Variants in PHF3 observed in about 807,000 individuals in gnomAD.
PHF3 encodes PHD finger protein 3.
In PHF3, 41 loss-of-function variants were observed where a neutral mutation model predicts 178.4. The observed-to-expected ratio is 0.23, with a 90% confidence interval of 0.18 to 0.30. PHF3 has a LOEUF of 0.30. Among genes scored for constraint, PHF3 ranks in the 10% least tolerant of loss-of-function variants. The pLI is 1.00. For synonymous variants in PHF3, 842 were observed against 800.5 expected (o/e 1.05, Z -0.88); for missense variants, 2,346 against 2,398.1 (o/e 0.98, Z 0.45).
chr6:63,698,230 T>C lies in PHF3; in HGVS notation c.2688T>C (p.His896=). The C allele has an allele frequency of 3.7e-6, 6 of 1,609,702 alleles. No individual in the cohort carries two copies. The highest frequency in any genetic ancestry group is 3.3e-5 in the South Asian group (3 of 90,130). The part of the protein sequence containing the change: ...TGEKASKPGT[H]EKQEMKKKKV... ...GATATTTATTCAAATTAGGTACTCA[T>C]GAGAAGCAAGAGATGAAAAAGAAGA... The change falls in exon 7 of 16, where the codon CAT becomes CAC. Residue 896 remains histidine, a synonymous_variant. Coordinates refer to ENST00000262043, the MANE Select transcript of PHF3 (RefSeq NM_001370348.2).
intron 4 of PHF3, among the ~76,000 whole-genome samples, chr6:63,688,220 T>TCCCCCCCCTCCCCCCTCCCCTCTCCCATC (rs1387226949): frequency 1.4e-4 from 1 of 6,978 alleles, no homozygotes; most frequent in African/African-American, 5.8e-4. Context: ...ATTGTTTTTT[T>TCCCCCCCCTCCCCCCTCCCCTCTCCCATC]CCCCTCCCCT....
Position 63,717,301 on chromosome 6 carries a change from C to T in PHF3, c.*3593C>T, listed in dbSNP as rs1283172876. ...TGCATTATGAGAGCTTGATAATGAA[C>T]CAGATCTTAGTAAAACAGTATTTTA... On this transcript the variant is annotated 3_prime_UTR_variant, in exon 16 of 16. Coordinates refer to ENST00000262043, the MANE Select transcript of PHF3 (RefSeq NM_001370348.2). Among the ~76,000 whole-genome samples the T allele has an allele frequency of 6.6e-6, 1 of 151,956 alleles. No homozygotes were observed. Among genetic ancestry groups the T allele is most frequent in the Admixed American group, 6.6e-5 (1 of 15,206 alleles).
At chr6:63,693,525 G>A (rs1582092321) in intron 5 of PHF3, among the ~76,000 whole-genome samples, 1 of 152,244 alleles carries the variant, frequency 6.6e-6, no homozygotes, top group East Asian at 1.9e-4. Context: ...TGAGGCAGGA[G>A]AATCGCTTGA....
At chr6:63,692,149 A>C (rs1767035835) in intron 5 of PHF3, 106 bp downstream of exon 5, 2 of 847,102 alleles carry the variant, frequency 2.4e-6, no homozygotes, top group Non-Finnish European at 3.5e-6. Flanking sequence ...GTTCTTTTAC[A>C]TTTTCAAATT....
chr6:63,666,380 CATAT>C (rs970391625), intron 2 of PHF3, among the ~76,000 whole-genome samples: 2 of 151,636 alleles, frequency 1.3e-5, no homozygotes, highest in Non-Finnish European at 2.9e-5. Flanking sequence ...TATATATTTA[CATAT>C]ATATATGTGG....
At chr6:63,655,205 A>G (rs1418491654) in intron 2 of PHF3, among the ~76,000 whole-genome samples, 1 of 152,080 alleles carries the variant, frequency 6.6e-6, no homozygotes, top group African/African-American at 2.4e-5. Flanking sequence ...CTGGGATTAT[A>G]GGTGCCCACC....
chr6:63,682,578 C>A (rs1316677836), intron 3 of PHF3, among the ~76,000 whole-genome samples: 1 of 151,990 alleles, frequency 6.6e-6, no homozygotes, highest in African/African-American at 2.4e-5. Context: ...TTTTCTTGAT[C>A]TATGTTTTTA....
At chr6:63,658,309 C>T (rs974457751) in intron 2 of PHF3, among the ~76,000 whole-genome samples, 2 of 152,126 alleles carry the variant, frequency 1.3e-5, no homozygotes, top group African/African-American at 4.8e-5. Flanking sequence ...TTCTCTTCAT[C>T]TCCTAGAATT....
intron 2 of PHF3, among the ~76,000 whole-genome samples, chr6:63,656,135 C>T (rs1339792499): frequency 1.3e-5 from 2 of 152,180 alleles, no homozygotes; most frequent in African/African-American, 2.4e-5. Flanking sequence ...GGCCCAAGGC[C>T]GGAGCTTTCC....
chr6:63,652,190 T>G (rs1256519454), intron 2 of PHF3, among the ~76,000 whole-genome samples: 1 of 152,184 alleles, frequency 6.6e-6, no homozygotes, highest in Non-Finnish European at 1.5e-5. Flanking sequence ...CTCCATATTC[T>G]TGCCAGTGTT....
chr6:63,695,091 A>G (rs1182940887), intron 6 of PHF3, among the ~76,000 whole-genome samples: 1 of 152,198 alleles, frequency 6.6e-6, no homozygotes, highest in Non-Finnish European at 1.5e-5. Context: ...TGGGATGGAT[A>G]GTCACAGGTG....
Position 63,641,528 on chromosome 6 carries a change from ATGTGTGTGTGTGTG to A in PHF3, c.-25-4971_-25-4958del, listed in dbSNP as rs201250434. 1.3e-3 allele frequency among the ~76,000 whole-genome samples: 181 copies of A among 140,676 alleles called. 1 individual carries two copies. Among genetic ancestry groups the A allele is most frequent in the African/African-American group, 4.0e-3 (154 of 38,484 alleles). 92.3% of individuals were successfully genotyped at this position (140,676 alleles called of 152,430 possible). On this transcript the variant is annotated intron_variant, in intron 1 of 15. Coordinates refer to ENST00000262043, the MANE Select transcript of PHF3 (RefSeq NM_001370348.2). ...TTTAGTGATTTATTGTTAGGTGTGT[ATGTGTGTGTGTGTG>A]TGTGTGTGTGTGTGTGTGTGTGTGT...
At chr6:63,655,692 AACT>A (rs1176734643) in intron 2 of PHF3, among the ~76,000 whole-genome samples, 2 of 152,230 alleles carry the variant, frequency 1.3e-5, no homozygotes, top group African/African-American at 4.8e-5. Context: ...GCACAGTGGT[AACT>A]ACTACATTTA....
chr6:63,679,354 CT>C (rs1421077041), intron 2 of PHF3, among the ~76,000 whole-genome samples: 1 of 151,996 alleles, frequency 6.6e-6, no homozygotes, highest in East Asian at 1.9e-4. Context: ...GTCTGTCTCT[CT>C]TTTGACTAGG....
chr6:63,721,717 T>C lies in PHF3; in HGVS notation c.*8009T>C. ...CCGTTTATAGTTACTTTTTGGAGAG[T>C]TTCTAGAATGATAGTTCTGTCGCCA... On this transcript the variant is annotated 3_prime_UTR_variant, in exon 16 of 16. Transcript: ENST00000262043. The C allele has an allele frequency of 6.4e-7, 1 of 1,551,290 alleles. No individual in the cohort carries two copies. Among genetic ancestry groups the C allele is most frequent in the South Asian group, 1.2e-5 (1 of 84,054 alleles).
At chr6:63,646,886 T>C (rs1249193075) in intron 2 of PHF3, 91 bp downstream of exon 2, 4 of 581,078 alleles carry the variant, frequency 6.9e-6, no homozygotes, top group Non-Finnish European at 6.9e-6. Flanking sequence ...CTTTTTTTCT[T>C]TTTTTTTTTT....
At chr6:63,697,477 A>G (rs1487463071) in intron 6 of PHF3, among the ~76,000 whole-genome samples, 1 of 152,238 alleles carries the variant, frequency 6.6e-6, no homozygotes. Flanking sequence ...ACTTGTGGTT[A>G]TAAATTTAAA....
chr6:63,711,039 G>A, intron 14 of PHF3, 128 bp from the exon 15 acceptor site: 1 of 605,768 alleles, frequency 1.7e-6, no homozygotes, highest in South Asian at 2.9e-5. Flanking sequence ...ATTTAAGTTG[G>A]TAAACCACGT....
chr6:63,675,697 G>A (rs1011447240), intron 2 of PHF3, among the ~76,000 whole-genome samples: 1 of 152,124 alleles, frequency 6.6e-6, no homozygotes, highest in African/African-American at 2.4e-5. Context: ...TCTAATTGTA[G>A]ATTGTTGACC....
Sources: allele counts gnomAD v4.1 joint callset (sites outside exome capture counted in the v4.1 genomes callset), GRCh38; gene constraint gnomAD v4.1.1; transcripts MANE v1.5; gene names NCBI Gene and HGNC (gene_info 2026-07-23, HGNC 2026-07-21).